Variants in OSBPL6 observed in about 807,000 individuals in gnomAD.
OSBPL6 encodes oxysterol-binding protein-related protein 6.
OSBPL6 carries 49 observed loss-of-function variants against 125.8 expected under a neutral mutation model. That is an observed-to-expected ratio of 0.39 (90% CI 0.31 to 0.49). The LOEUF (loss-of-function observed/expected upper bound fraction) is 0.49. Among genes scored for constraint, OSBPL6 ranks in the 20% least tolerant of loss-of-function variants. The probability of loss-of-function intolerance (pLI) is 0.88; values close to 1 mark genes in which losing one functional copy is unlikely to be tolerated. For synonymous variants in OSBPL6, 394 were observed against 391.8 expected, an observed-to-expected ratio of 1.01 and a Z score of -0.07; for missense variants, 986 against 1,135.4, an observed-to-expected ratio of 0.87 and a Z score of 1.89.
rs116263780 is a variant in OSBPL6, at chr2:178,396,188, G to T, written c.*629G>T. The T allele has an allele frequency of 5.8e-3, 935 of 161,034 alleles. 12 individuals are homozygous for T. The highest frequency in any genetic ancestry group is 0.022 in the African/African-American group (895 of 41,608). 10.0% of individuals were successfully genotyped at this position (161,034 alleles called of 1,614,324 possible). On this transcript the variant is annotated 3_prime_UTR_variant, in exon 25 of 25. Transcript: ENST00000190611. ...GGTTTATGTGAAGAACAGATTTTTT[G>T]AATCATGGCATGATTCACTTTCTCA...
chr2:178,346,668 C>A (rs1336991957), intron 11 of OSBPL6, among the ~76,000 whole-genome samples: 1 of 152,178 alleles, frequency 6.6e-6, no homozygotes, highest in Non-Finnish European at 1.5e-5. Flanking sequence ...CCCACTCCAA[C>A]CATCACTGAC....
chr2:178,209,368 GT>G (rs1249934977), intron 1 of OSBPL6, among the ~76,000 whole-genome samples: 2 of 148,658 alleles, frequency 1.3e-5, no homozygotes, highest in African/African-American at 5.0e-5. Flanking sequence ...TATTTTCTGG[GT>G]TTTCAAAGAG....
At chr2:178,352,231 C>G (rs1691328070) in intron 12 of OSBPL6, among the ~76,000 whole-genome samples, 1 of 152,162 alleles carries the variant, frequency 6.6e-6, no homozygotes, top group South Asian at 2.1e-4. Flanking sequence ...CTCATTGGGA[C>G]TGGTTAGACA....
At chr2:178,229,569 G>A (rs796273458) in intron 1 of OSBPL6, among the ~76,000 whole-genome samples, 13 of 152,244 alleles carry the variant, frequency 8.5e-5, no homozygotes, top group African/African-American at 3.1e-4. Context: ...GTGGTTCACT[G>A]CTGTAATCCC....
chr2:178,215,429 C>T (rs2090052922), intron 1 of OSBPL6, among the ~76,000 whole-genome samples: 2 of 152,130 alleles, frequency 1.3e-5, no homozygotes, highest in South Asian at 4.2e-4. Flanking sequence ...TTACTGAGCT[C>T]AGGGCAGGGC....
At chr2:178,217,613 G>A (rs958275101) in intron 1 of OSBPL6, among the ~76,000 whole-genome samples, 4 of 152,222 alleles carry the variant, frequency 2.6e-5, no homozygotes, top group African/African-American at 4.8e-5. Context: ...TTATAGTCAG[G>A]TTTGAGGAGG....
intron 3 of OSBPL6, among the ~76,000 whole-genome samples, chr2:178,314,247 A>G (rs566324319): frequency 5.4e-4 from 83 of 152,376 alleles, no homozygotes; most frequent in African/African-American, 1.7e-3. Context: ...AAAGAAAAGA[A>G]AGTCAAGCAT....
chr2:178,298,632 C>A (rs958941514), intron 2 of OSBPL6, among the ~76,000 whole-genome samples: 6 of 151,358 alleles, frequency 4.0e-5, no homozygotes, highest in Admixed American at 6.6e-5. Flanking sequence ...ATCTGCCCAC[C>A]TCTTCCTCCC....
intron 1 of OSBPL6, among the ~76,000 whole-genome samples, chr2:178,252,471 A>G (rs1427476715): frequency 2.0e-5 from 3 of 151,654 alleles, no homozygotes; most frequent in South Asian, 4.1e-4. Flanking sequence ...TTTTGTGGCC[A>G]TAATTAGCAT....
At chr2:178,221,416 C>T (rs1021269542) in intron 1 of OSBPL6, among the ~76,000 whole-genome samples, 15 of 152,142 alleles carry the variant, frequency 9.9e-5, no homozygotes, top group Admixed American at 7.2e-4. Context: ...CTCTTTAATA[C>T]GTGACTGGGT....
At chr2:178,253,242 G>A (rs1238336854) in intron 1 of OSBPL6, among the ~76,000 whole-genome samples, 2 of 151,978 alleles carry the variant, frequency 1.3e-5, no homozygotes, top group Admixed American at 1.3e-4. Context: ...GGCTGGTCTC[G>A]AACTCCTGAC....
intron 1 of OSBPL6, among the ~76,000 whole-genome samples, chr2:178,237,656 G>A (rs1458506743): frequency 6.6e-6 from 1 of 152,110 alleles, no homozygotes; most frequent in Non-Finnish European, 1.5e-5. Flanking sequence ...CTTTGTTGTA[G>A]GGCACTGTCC....
At chr2:178,354,914 A>G (rs1691627716) in intron 12 of OSBPL6, among the ~76,000 whole-genome samples, 1 of 152,208 alleles carries the variant, frequency 6.6e-6, no homozygotes, top group Admixed American at 6.5e-5. Flanking sequence ...ATCAAATTAG[A>G]ACTCAGGATT....
intron 13 of OSBPL6, among the ~76,000 whole-genome samples, chr2:178,363,616 G>T (rs1692551096): frequency 6.6e-6 from 1 of 152,146 alleles, no homozygotes. Context: ...CTTGAACCTG[G>T]CCTGAGTAGA....
intron 1 of OSBPL6, among the ~76,000 whole-genome samples, chr2:178,259,923 A>G (rs1401707034): frequency 6.6e-6 from 1 of 152,180 alleles, no homozygotes; most frequent in Non-Finnish European, 1.5e-5. Context: ...CTGTTTCCCT[A>G]TGTGAAACTT....
rs1695993400 is a variant in OSBPL6, at chr2:178,398,630, TATTTAAGATAACTTTTA to T, written c.*3074_*3090del. On this transcript the variant is annotated 3_prime_UTR_variant, in exon 25 of 25. Coordinates refer to ENST00000190611, the MANE Select transcript of OSBPL6 (RefSeq NM_032523.4). ...TTCAGGCAATTGTAAAAATAAACCT[TATTTAAGATAACTTTTA>T]ATGGTACATATCAACTATATGTGGG... is the stretch of plus-strand genomic sequence containing the variant. 1 of 152,250 alleles carries T rather than the reference TATTTAAGATAACTTTTA, an allele frequency of 6.6e-6. No homozygotes were observed. Among genetic ancestry groups the T allele is most frequent in the Non-Finnish European group, 1.5e-5 (1 of 68,042 alleles). 9.4% of individuals were successfully genotyped at this position (152,250 alleles called of 1,614,324 possible).
In OSBPL6 at chr2:178,328,256, G is replaced by A; in HGVS notation, c.196G>A (p.Glu66Lys). 3 of 1,613,276 alleles carry A rather than the reference G, an allele frequency of 1.9e-6. No homozygotes were observed. The highest frequency in any genetic ancestry group is 2.5e-6 in the Non-Finnish European group (3 of 1,179,616). The change falls in exon 5 of 25, where the codon GAA (glutamate) becomes AAA (lysine). Residue 66 changes from glutamate (E) to lysine (K), a missense_variant and splice_region_variant. Glu to Lys is a moderately conservative substitution (Grantham distance 56). This residue lies in a region of OSBPL6 where 130 missense variants were observed against 106.4 expected (regional missense o/e 1.22). Coordinates refer to ENST00000190611, the MANE Select transcript of OSBPL6 (RefSeq NM_032523.4). Reference protein sequence around the residue: ...LEPEPVPLSKEADSWEIIEGL... With the variant: ...LEPEPVPLSKKADSWEIIEGL... ...ATTTGTTTTTCTTCTTTTCTCTCAG[G>A]AAGCTGACAGCTGGGAAATTATAGA...
intron 4 of OSBPL6, among the ~76,000 whole-genome samples, chr2:178,327,738 A>C (rs1688818739): frequency 6.6e-6 from 1 of 152,040 alleles, no homozygotes; most frequent in African/African-American, 2.4e-5. Flanking sequence ...TCTTATGTGC[A>C]CTTTGGAATG....
Position 178,374,014 on chromosome 2 carries a change from C to T in OSBPL6, c.1520C>T (p.Ser507Leu), listed in dbSNP as rs1693645154. ...CAAGAGGTGCTCCTCTCTGCAAGTTCGTCAGAGAATGAGGTATGTATGCCT... is the reference window on the plus strand; with the variant it reads ...CAAGAGGTGCTCCTCTCTGCAAGTTTGTCAGAGAATGAGGTATGTATGCCT... Reference protein sequence around the residue: ...DAQEVLLSASSSENEASDDES... With the variant: ...DAQEVLLSASLSENEASDDES... The change falls in exon 15 of 25, where the codon TCG (serine) becomes TTG (leucine). Residue 507 changes from serine to leucine, a missense_variant. Ser to Leu is a moderately radical substitution (Grantham distance 145). This residue lies in a region of OSBPL6 where 843 missense variants were observed against 997.3 expected (regional missense o/e 0.85). Transcript: ENST00000190611. 3.1e-6 allele frequency: 5 copies of T among 1,613,810 alleles called. No individual in the cohort carries two copies. The highest frequency in any genetic ancestry group is 3.4e-6 in the Non-Finnish European group (4 of 1,179,904).
Sources: allele counts gnomAD v4.1 joint callset (sites outside exome capture counted in the v4.1 genomes callset), GRCh38; gene constraint gnomAD v4.1.1; regional missense constraint gnomAD v4.1.1; transcripts MANE v1.5; gene names NCBI Gene and HGNC (gene_info 2026-07-23, HGNC 2026-07-21).